The following ANKFN1 variants were observed in gnomAD, a reference collection of about 807,000 sequenced individuals.
ANKFN1 encodes ankyrin repeat and fibronectin type-III domain-containing protein 1.
Under a neutral mutation model 108.7 loss-of-function variants are expected in ANKFN1, and 74 were observed. The observed-to-expected ratio is 0.68, with a 90% CI of 0.56 to 0.83. The LOEUF (loss-of-function observed/expected upper bound fraction) is 0.83. Among genes scored for constraint, ANKFN1 ranks in the 40% least tolerant of loss-of-function variants. The probability of loss-of-function intolerance (pLI) is 0.00; values close to 1 mark genes in which losing one functional copy is unlikely to be tolerated. For missense variants in ANKFN1, 1,505 were observed against 1,382.3 expected, an observed-to-expected ratio of 1.09 and a Z score of -1.41; for synonymous variants, 547 against 516.2, an observed-to-expected ratio of 1.06 and a Z score of -0.81.
At chr17:56,449,218 C>A in intron 11 of ANKFN1, 32 bp downstream of exon 11, 1 of 1,577,736 alleles carries the variant, frequency 6.3e-7, no homozygotes. Context: ...GGGCCATCAA[C>A]TGAGGTCTCG....
chr17:56,326,144 C>T, intron 3 of ANKFN1, 77 bp from the exon 4 acceptor site: 2 of 1,504,296 alleles, frequency 1.3e-6, no homozygotes, highest in South Asian at 1.4e-5. Context: ...TTTTATTTTG[C>T]ATTAAGAGTA....
intron 6 of ANKFN1, among the ~76,000 whole-genome samples, chr17:56,369,474 C>A (rs1442566363): frequency 6.6e-6 from 1 of 152,006 alleles, no homozygotes; most frequent in Non-Finnish European, 1.5e-5. Flanking sequence ...AAATTGGATT[C>A]CCAGAACAAT....
intron 3 of ANKFN1, among the ~76,000 whole-genome samples, chr17:56,282,356 G>A (rs762029703): frequency 6.6e-6 from 1 of 151,906 alleles, no homozygotes; most frequent in South Asian, 2.1e-4. Flanking sequence ...CCTCTCTGGG[G>A]TGCTACAAAT....
chr17:56,502,010 A>G (rs2051387322), intron 20 of ANKFN1, among the ~76,000 whole-genome samples: 1 of 152,140 alleles, frequency 6.6e-6, no homozygotes, highest in Non-Finnish European at 1.5e-5. Context: ...AGGAATTTTC[A>G]CTCTTTTAAA....
chr17:56,328,954 C>T (rs80160464), intron 4 of ANKFN1, among the ~76,000 whole-genome samples: 8,655 of 152,184 alleles, frequency 0.057, 564 homozygotes, highest in African/African-American at 0.16. Context: ...CCCATTGCCA[C>T]AAGCTTTAGT....
Position 56,350,895 on chromosome 17 carries a change from G to T in ANKFN1, c.318G>T (p.Gly106=), listed in dbSNP as rs1022755635. 2 of 1,613,668 alleles carry T rather than the reference G, an allele frequency of 1.2e-6. No homozygotes were observed. The highest frequency in any genetic ancestry group is 3.3e-5 in the Admixed American group (2 of 59,922). The change falls in exon 5 of 21, where the codon GGG becomes GGT. Residue 106 remains glycine (G), a synonymous_variant. Coordinates refer to ENST00000682825, the MANE Select transcript of ANKFN1 (RefSeq NM_001370326.1). Reference sequence around the variant, plus strand: ...GGAACCTCTCTGAGAAACTGAAAGGGAGCCACTCTTCCTTCGATGAGGCCT... The same window carrying T: ...GGAACCTCTCTGAGAAACTGAAAGGTAGCCACTCTTCCTTCGATGAGGCCT... ...LYRNLSEKLK[G]SHSSFDEAYF...
At chr17:56,135,331 A>G (rs1598125298) in intron 4 of ANKFN1, among the ~76,000 whole-genome samples, 1 of 152,190 alleles carries the variant, frequency 6.6e-6, no homozygotes, top group Non-Finnish European at 1.5e-5. Flanking sequence ...GTGAAAAACA[A>G]TAGGGACTAT....
chr17:56,206,779 T>A (rs1914574622), intron 1 of ANKFN1: 1 of 152,204 alleles, frequency 6.6e-6, no homozygotes, highest in African/African-American at 2.4e-5. Flanking sequence ...GGCCCATGCA[T>A]CCTGTTTCCT....
In ANKFN1 at chr17:56,457,219, G is replaced by A. The variant is rs375047841; in HGVS notation, c.1308-38G>A. On this transcript the variant is annotated intron_variant, in intron 12 of 20. Coordinates refer to ENST00000682825, the MANE Select transcript of ANKFN1 (RefSeq NM_001370326.1). Reference sequence around the variant, plus strand: ...TCCAAAAAAATATTTTTCCAAGATGGTTGAGGACAATGCTTTTATTTTCCT... The same window carrying A: ...TCCAAAAAAATATTTTTCCAAGATGATTGAGGACAATGCTTTTATTTTCCT... 59 of 1,523,004 alleles carry A rather than the reference G, an allele frequency of 3.9e-5. No individual in the cohort carries two copies. In the East Asian group the frequency reaches 1.3e-3, roughly 34 times the overall value. 94.3% of individuals were successfully genotyped at this position (1,523,004 alleles called of 1,614,324 possible).
chr17:56,282,178 G>C (rs1026774555), intron 3 of ANKFN1, among the ~76,000 whole-genome samples: 1 of 152,050 alleles, frequency 6.6e-6, no homozygotes, highest in Non-Finnish European at 1.5e-5. Context: ...CAACAGCATG[G>C]ATGAATTTCA....
intron 3 of ANKFN1, among the ~76,000 whole-genome samples, chr17:56,310,343 T>G (rs1156907289): frequency 6.6e-6 from 1 of 152,070 alleles, no homozygotes; most frequent in Non-Finnish European, 1.5e-5. Context: ...TTGGGCCGGG[T>G]GCAGTGGCTC....
At chr17:56,101,034 A>C (rs1466038701) in intron 4 of ANKFN1, among the ~76,000 whole-genome samples, 5 of 152,012 alleles carry the variant, frequency 3.3e-5, no homozygotes, top group African/African-American at 9.7e-5. Flanking sequence ...GTGGAGGAGG[A>C]GACATTGGGA....
chr17:56,353,845 G>C lies in ANKFN1; in HGVS notation c.400G>C (p.Gly134Arg). Residue 134 changes from glycine to arginine, a missense_variant, in exon 6 of 21, where the codon GGC becomes CGC. Coordinates refer to ENST00000682825, the MANE Select transcript of ANKFN1 (RefSeq NM_001370326.1). Reference sequence around the variant, plus strand: ...TTTTGCTCCTCTCTAGAATTTCCAGGGCAATGAAGCCATGTTTGAGGCAGT... The same window carrying C: ...TTTTGCTCCTCTCTAGAATTTCCAGCGCAATGAAGCCATGTTTGAGGCAGT... ...SLRKTSVNFQ[G>R]NEAMFEAVEQ... The C allele has an allele frequency of 1.2e-6, 2 of 1,613,886 alleles. No homozygotes were observed. The highest frequency in any genetic ancestry group is 1.7e-6 in the Non-Finnish European group (2 of 1,179,928).
intron 4 of ANKFN1, among the ~76,000 whole-genome samples, chr17:56,119,101 T>C (rs1240277339): frequency 6.6e-6 from 1 of 152,072 alleles, no homozygotes; most frequent in Non-Finnish European, 1.5e-5. Context: ...CAGTTGGAAA[T>C]ACGGGTTTGG....
chr17:56,207,607 T>C (rs565319030), intron 1 of ANKFN1, among the ~76,000 whole-genome samples: 1 of 152,346 alleles, frequency 6.6e-6, no homozygotes, highest in South Asian at 2.1e-4. Flanking sequence ...ATGCCTCTGC[T>C]GTTTCATTTG....
chr17:56,053,726 C>G (rs1464860549), intron 4 of ANKFN1, among the ~76,000 whole-genome samples: 2 of 152,036 alleles, frequency 1.3e-5, no homozygotes, highest in Admixed American at 6.6e-5. Context: ...TGAGGAAACT[C>G]CGAACTGTTC....
chr17:56,515,357 C>T lies in ANKFN1; in HGVS notation c.*4088C>T. The stretch of plus-strand genomic sequence containing the variant: ...TTTAAACTGTTGCATGGTCACTTTA[C>T]AAAGTCTAAATATTTTTCCAGATGA... On this transcript the variant is annotated 3_prime_UTR_variant, in exon 21 of 21. Coordinates refer to ENST00000682825, the MANE Select transcript of ANKFN1 (RefSeq NM_001370326.1). Among the ~76,000 whole-genome samples, 1 of 152,138 alleles carries T rather than the reference C, an allele frequency of 6.6e-6. No individual in the cohort carries two copies. The highest frequency in any genetic ancestry group is 1.9e-4 in the East Asian group (1 of 5,194).
At chr17:56,134,909 G>T (rs1472107653) in intron 4 of ANKFN1, among the ~76,000 whole-genome samples, 2 of 152,082 alleles carry the variant, frequency 1.3e-5, no homozygotes, top group African/African-American at 4.8e-5. Context: ...CTGATGTGTT[G>T]TCCTGATGGA....
chr17:56,452,285 A>T (rs2049513619), intron 11 of ANKFN1, among the ~76,000 whole-genome samples: 1 of 152,220 alleles, frequency 6.6e-6, no homozygotes, highest in Admixed American at 6.5e-5. Flanking sequence ...GAACTACTGC[A>T]TTCAGAGTAC....
Sources: allele counts gnomAD v4.1 joint callset (sites outside exome capture counted in the v4.1 genomes callset), GRCh38; gene constraint gnomAD v4.1.1; transcripts MANE v1.5; gene names NCBI Gene and HGNC (gene_info 2026-07-23, HGNC 2026-07-21).